LMBR1: variants seen among roughly 807,000 people sequenced by gnomAD.
The protein encoded by LMBR1 is limb development membrane protein 1.
A neutral mutation model predicts 73.9 loss-of-function variants in LMBR1; 52 were observed. The ratio of observed to expected loss-of-function variants is 0.70; its 90% CI spans 0.56 to 0.89. The LOEUF (loss-of-function observed/expected upper bound fraction) is 0.89. Ranked by LOEUF, LMBR1 falls within the 40% of genes least tolerant of loss-of-function variation. The pLI, the probability that LMBR1 is intolerant of heterozygous loss-of-function variation, is 0.00. For missense variants in LMBR1, 539 were observed against 579.8 expected (o/e 0.93, Z 0.72); for synonymous variants, 215 against 209.4 (o/e 1.03, Z -0.23).
intron 1 of LMBR1, among the ~76,000 whole-genome samples, chr7:156,837,558 A>G (rs1837889576): frequency 6.6e-6 from 1 of 152,126 alleles, no homozygotes; most frequent in Non-Finnish European, 1.5e-5. Flanking sequence ...ACAACCAAAT[A>G]TTAAAACATT....
chr7:156,690,301 T>C (rs1467128615), intron 15 of LMBR1, among the ~76,000 whole-genome samples: 1 of 152,176 alleles, frequency 6.6e-6, no homozygotes, highest in African/African-American at 2.4e-5. Flanking sequence ...TAAATATAAA[T>C]GCAAGTTCTA....
At chr7:156,761,123 G>A (rs944226955) in intron 8 of LMBR1, among the ~76,000 whole-genome samples, 18 of 152,178 alleles carry the variant, frequency 1.2e-4, no homozygotes, top group Non-Finnish European at 1.3e-4. Context: ...CAGCAAGTTC[G>A]CTCATGAGCT....
In LMBR1 at chr7:156,860,382, G is replaced by A. The variant is rs192738075; in HGVS notation, c.67-23497C>T. Among the ~76,000 whole-genome samples, 910 of 152,136 alleles carry A rather than the reference G, an allele frequency of 6.0e-3. 6 individuals are homozygous for A. Among genetic ancestry groups the A allele is most frequent in the South Asian group, 0.019 (91 of 4,814 alleles). ...TTATTCACTATCACAAGAACAGCAC[G>A]GGAAAGACCCGCCTCGTGATTCAAT... On this transcript the variant is annotated intron_variant, in intron 1 of 16. Transcript: ENST00000353442.
At chr7:156,876,577 C>A (rs1395943671) in intron 1 of LMBR1, among the ~76,000 whole-genome samples, 2 of 152,142 alleles carry the variant, frequency 1.3e-5, no homozygotes, top group Non-Finnish European at 2.9e-5. Context: ...GGACACAAAA[C>A]AAGTCTTAAT....
chr7:156,706,691 G>C (rs946013337), intron 15 of LMBR1, among the ~76,000 whole-genome samples: 5 of 151,776 alleles, frequency 3.3e-5, no homozygotes, highest in African/African-American at 9.7e-5. Flanking sequence ...AATGAAAATG[G>C]AAACACAACA....
intron 10 of LMBR1, among the ~76,000 whole-genome samples, chr7:156,729,405 A>G (rs1816401461): frequency 6.6e-6 from 1 of 151,086 alleles, no homozygotes; most frequent in African/African-American, 2.5e-5. Flanking sequence ...TATTTCATAT[A>G]GATCTACATA....
At chr7:156,763,823 T>C (rs1823585999) in intron 5 of LMBR1, 28 bp from the exon 6 acceptor site, 1 of 1,563,086 alleles carries the variant, frequency 6.4e-7, no homozygotes, top group African/African-American at 1.4e-5. Flanking sequence ...AATATAATTT[T>C]AGTATTTTAC....
intron 12 of LMBR1, chr7:156,726,132 C>A: frequency 1.2e-5 from 3 of 251,898 alleles, no homozygotes; most frequent in Non-Finnish European, 2.2e-5. Flanking sequence ...GGGCAACTTG[C>A]CACTTGAGGA....
intron 10 of LMBR1, among the ~76,000 whole-genome samples, chr7:156,733,091 G>A (rs966525276): frequency 6.6e-6 from 1 of 152,196 alleles, no homozygotes; most frequent in African/African-American, 2.4e-5. Flanking sequence ...GTTGCAGTGA[G>A]TTGAGATCGC....
At chr7:156,786,811 AT>A (rs1374761946) in intron 5 of LMBR1, among the ~76,000 whole-genome samples, 1 of 152,226 alleles carries the variant, frequency 6.6e-6, no homozygotes, top group African/African-American at 2.4e-5. Context: ...TCAAACATAT[AT>A]ATTATGAATC....
intron 1 of LMBR1, among the ~76,000 whole-genome samples, chr7:156,863,479 C>A (rs1327477257): frequency 6.6e-6 from 1 of 152,182 alleles, no homozygotes; most frequent in Non-Finnish European, 1.5e-5. Context: ...CCCTCACAGA[C>A]ACACCCAGGA....
downstream of LMBR1, among the ~76,000 whole-genome samples, chr7:156,673,802 G>A (rs1020009339): frequency 1.3e-5 from 2 of 151,966 alleles, no homozygotes; most frequent in Admixed American, 6.6e-5. Context: ...CGATCTTTTT[G>A]CAGAAGGGAG....
Position 156,752,453 on chromosome 7 carries a change from T to C in LMBR1, c.757+3940A>G, listed in dbSNP as rs906701868. Among the ~76,000 whole-genome samples the C allele has an allele frequency of 3.9e-5, 6 of 152,126 alleles. No individual in the cohort carries two copies. The South Asian group carries it at 1.0e-3, about 26-fold the overall frequency. ...AGACAGAGAGTCAGAAAGAGGAGAA[T>C]TGCTAGATCGTGTCCTTGAATCAGT... On this transcript the variant is annotated intron_variant, in intron 9 of 16. Transcript: ENST00000353442.
intron 1 of LMBR1, among the ~76,000 whole-genome samples, chr7:156,868,539 T>C (rs1299828542): frequency 6.6e-6 from 1 of 151,958 alleles, no homozygotes; most frequent in East Asian, 1.9e-4. Context: ...TCAGGTGTGA[T>C]GGCATGCACC....
intron 5 of LMBR1, among the ~76,000 whole-genome samples, chr7:156,781,906 G>A (rs1022064475): frequency 1.1e-4 from 17 of 152,072 alleles, no homozygotes; most frequent in African/African-American, 3.9e-4. Context: ...ACACTGTTAT[G>A]GTACCATCAC....
chr7:156,787,840 G>A (rs564440541), intron 5 of LMBR1, among the ~76,000 whole-genome samples: 4 of 152,248 alleles, frequency 2.6e-5, no homozygotes, highest in East Asian at 1.9e-4. Context: ...GCAACAGCAC[G>A]ATCTTGGCTC....
chr7:156,850,391 A>T (rs1241495209), intron 1 of LMBR1, among the ~76,000 whole-genome samples: 1 of 152,218 alleles, frequency 6.6e-6, no homozygotes, highest in African/African-American at 2.4e-5. Flanking sequence ...AGCACAAAAC[A>T]GACTAAGACA....
At chr7:156,711,674 T>A (rs1233589120) in intron 15 of LMBR1, among the ~76,000 whole-genome samples, 2 of 152,048 alleles carry the variant, frequency 1.3e-5, no homozygotes, top group African/African-American at 2.4e-5. Context: ...TGGAACAGAA[T>A]GGAGAACCCA....
intron 14 of LMBR1, 48 bp from the exon 15 acceptor site, chr7:156,724,226 G>A (rs751757234): frequency 2.2e-6 from 3 of 1,387,570 alleles, no homozygotes; most frequent in South Asian, 2.4e-5. Flanking sequence ...ACAGCAGGAT[G>A]ACAATCAAAC....
Sources: allele counts gnomAD v4.1 joint callset (sites outside exome capture counted in the v4.1 genomes callset), GRCh38; gene constraint gnomAD v4.1.1; transcripts MANE v1.5; gene names NCBI Gene and HGNC (gene_info 2026-07-23, HGNC 2026-07-21).